VASH1: variants seen among roughly 807,000 people sequenced by gnomAD.
The protein encoded by VASH1 is vasohibin 1.
Under a neutral mutation model 35.0 loss-of-function variants are expected in VASH1, and 16 were observed. The ratio of observed to expected loss-of-function variants is 0.46; its 90% CI spans 0.31 to 0.70. The LOEUF (loss-of-function observed/expected upper bound fraction) is 0.70. Ranked by LOEUF, VASH1 falls within the 30% of genes least tolerant of loss-of-function variation. The probability of loss-of-function intolerance (pLI) is 0.05; values close to 1 mark genes in which losing one functional copy is unlikely to be tolerated. For synonymous variants in VASH1, 214 were observed against 200.9 expected (o/e 1.07, Z -0.55); for missense variants, 505 against 510.7 (o/e 0.99, Z 0.11).
intron 1 of VASH1, among the ~76,000 whole-genome samples, chr14:76,767,913 C>G (rs1369120936): frequency 6.6e-6 from 1 of 152,216 alleles, no homozygotes; most frequent in African/African-American, 2.4e-5. Flanking sequence ...CTAGTGCTTT[C>G]GTGGGTACTG....
At chr14:76,764,549 T>C (rs7151126) in intron 1 of VASH1, among the ~76,000 whole-genome samples, 67,575 of 152,068 alleles carry the variant, frequency 0.44, 16,024 homozygotes, top group Middle Eastern at 0.55. Flanking sequence ...CTATATGGCC[T>C]CTTCCACCTA....
chr14:76,774,100 G>A (rs184795037), intron 4 of VASH1, among the ~76,000 whole-genome samples: 91 of 152,298 alleles, frequency 6.0e-4, no homozygotes, highest in Non-Finnish European at 1.1e-3. Context: ...AGAGGGTGAC[G>A]GGGAGGGGGT....
chr14:76,781,406 A>ATCCC lies in VASH1; in HGVS notation c.*2388_*2389insTCCC, dbSNP rs896116713. On this transcript the variant is annotated 3_prime_UTR_variant, in exon 7 of 7. Transcript: ENST00000167106. Reference sequence around the variant, plus strand: ...CTAAGAAGAGATGGCTCACCTTGGGAGGTGCCAGGCTGAAACTAGGTCCTT... The same window carrying ATCCC: ...CTAAGAAGAGATGGCTCACCTTGGGATCCCGGTGCCAGGCTGAAACTAGGTCCTT... The ATCCC allele has an allele frequency of 1.3e-5, 2 of 152,150 alleles. No homozygotes were observed. The highest frequency in any genetic ancestry group is 4.8e-5 in the African/African-American group (2 of 41,420). 9.4% of individuals were successfully genotyped at this position (152,150 alleles called of 1,614,324 possible).
intron 6 of VASH1, among the ~76,000 whole-genome samples, 198 bp from the exon 7 acceptor site, chr14:76,778,748 C>T (rs556302349): frequency 2.0e-5 from 3 of 152,316 alleles, no homozygotes; most frequent in East Asian, 1.9e-4. Flanking sequence ...CCTGTGAGAG[C>T]GAGCCGGGGC....
chr14:76,773,542 C>A (rs766610287), intron 4 of VASH1: 13 of 405,484 alleles, frequency 3.2e-5, no homozygotes, highest in Non-Finnish European at 4.3e-6. Context: ...TTTCCAAGAA[C>A]TAGACAGTCT....
At chr14:76,765,527 G>A (rs1893620360) in intron 1 of VASH1, among the ~76,000 whole-genome samples, 1 of 152,164 alleles carries the variant, frequency 6.6e-6, no homozygotes, top group South Asian at 2.1e-4. Flanking sequence ...GCGTGGGTTG[G>A]GTGCCTGGGT....
chr14:76,777,877 AG>A, intron 5 of VASH1, 81 bp from the exon 6 acceptor site: 1 of 1,109,948 alleles, frequency 9.0e-7, no homozygotes, highest in Non-Finnish European at 1.2e-6. Flanking sequence ...GGCAGCCTCC[AG>A]GGACCTGTGG....
chr14:76,766,121 C>T (rs768770954), intron 1 of VASH1, among the ~76,000 whole-genome samples: 11 of 152,164 alleles, frequency 7.2e-5, no homozygotes, highest in Non-Finnish European at 1.5e-4. Flanking sequence ...CTAATAGATA[C>T]CCAGTAATGG....
chr14:76,774,069 G>A (rs1344090053), intron 4 of VASH1, among the ~76,000 whole-genome samples: 1 of 152,182 alleles, frequency 6.6e-6, no homozygotes, highest in African/African-American at 2.4e-5. Context: ...CTGCAGAGGA[G>A]CACAGATTAG....
At position 76,776,149 on chromosome 14, in the gene VASH1, T is replaced by C; in HGVS notation, c.788T>C (p.Val263Ala). ...AAGAAGGTGAAGCTGGGCCAGAGCG[T>C]GTCACACGACCCGCACAGCGTGGAG... ...VLKKVKLGQS[V>A]SHDPHSVEQI... is the part of the protein sequence containing the mutation. Residue 263 changes from valine to alanine, a missense_variant, in exon 5 of 7, where the codon GTG (valine) becomes GCG (alanine). Transcript: ENST00000167106. 1 of 1,610,580 alleles carries C rather than the reference T, an allele frequency of 6.2e-7. No individual in the cohort carries two copies. Among genetic ancestry groups the C allele is most frequent in the Non-Finnish European group, 8.5e-7 (1 of 1,179,780 alleles).
rs1893549446 is a variant in VASH1, at chr14:76,763,149, G to A, written c.309+19G>A. ...GCCCAAGGTGAGACACACGGGTCAG[G>A]GGGGTGATAGCACAGTCTAGGTTTT... On this transcript the variant is annotated intron_variant, in intron 1 of 6. Transcript: ENST00000167106. The A allele has an allele frequency of 6.9e-7, 1 of 1,438,950 alleles. No homozygotes were observed. The highest frequency in any genetic ancestry group is 1.4e-5 in the African/African-American group (1 of 69,854). 89.1% of individuals were successfully genotyped at this position (1,438,950 alleles called of 1,614,324 possible). A position where few individuals can be genotyped will look rare whatever the true frequency, so the allele number is the denominator to read the frequency against.
At position 76,780,225 on chromosome 14, in the gene VASH1, C is replaced by G. The variant is rs1566689396; in HGVS notation, c.*1207C>G. 6.5e-6 allele frequency: 1 copy of G among 153,046 alleles called. No homozygotes were observed. The highest frequency in any genetic ancestry group is 1.9e-4 in the East Asian group (1 of 5,198). The allele number at this position is 153,046 out of a possible 1,614,324, so 9.5% of individuals were successfully genotyped here. ...TGGAGGCTCAAGCAACAAGGAGGTG[C>G]AGGTAAAGGGTGCAGTGCAGCCACT... On this transcript the variant is annotated 3_prime_UTR_variant, in exon 7 of 7. Coordinates refer to ENST00000167106, the MANE Select transcript of VASH1 (RefSeq NM_014909.5).
chr14:76,764,301 A>G (rs956892335), intron 1 of VASH1, among the ~76,000 whole-genome samples: 3 of 152,254 alleles, frequency 2.0e-5, no homozygotes, highest in African/African-American at 7.2e-5. Context: ...CAGGGGAAAC[A>G]AAATGTAGAT....
chr14:76,766,731 T>C (rs1893652082), intron 1 of VASH1, among the ~76,000 whole-genome samples: 1 of 152,178 alleles, frequency 6.6e-6, no homozygotes, highest in Non-Finnish European at 1.5e-5. Context: ...CAGGAGCTAC[T>C]ACACCCAGCC....
chr14:76,762,903 G>T lies in VASH1; in HGVS notation c.82G>T (p.Val28Phe). Reference protein sequence around the residue: ...TSAAATAPSGVRRLETSEGTS... With the variant: ...TSAAATAPSGFRRLETSEGTS... ...CGCTGCGGCCACCGCCCCCTCTGGG[G>T]TCAGGCGTTTGGAGACCAGCGAAGG... The change falls in exon 1 of 7, where the codon GTC becomes TTC. Residue 28 changes from valine to phenylalanine, a missense_variant. Val to Phe is a conservative substitution (Grantham distance 50). Coordinates refer to ENST00000167106, the MANE Select transcript of VASH1 (RefSeq NM_014909.5). The T allele has an allele frequency of 6.3e-7, 1 of 1,575,570 alleles. No individual in the cohort carries two copies. Among genetic ancestry groups the T allele is most frequent in the African/African-American group, 1.3e-5 (1 of 74,368 alleles).
rs540231239 is a variant in VASH1, at chr14:76,782,375, C to T, written c.*3357C>T. 1 of 152,394 alleles carries T rather than the reference C, an allele frequency of 6.6e-6. No homozygotes were observed. Among genetic ancestry groups the T allele is most frequent in the South Asian group, 2.1e-4 (1 of 4,826 alleles). The allele number at this position is 152,394 out of a possible 1,614,324, so 9.4% of individuals were successfully genotyped here. On this transcript the variant is annotated 3_prime_UTR_variant, in exon 7 of 7. Transcript: ENST00000167106. ...TGACCACGTGTGATTTCCAGCCCTT[C>T]CCACTGGGACTTGACTTCCCAGGTC...
intron 4 of VASH1, chr14:76,773,436 G>A (rs1288126017): frequency 1.1e-5 from 6 of 549,620 alleles, no homozygotes; most frequent in Admixed American, 3.1e-5. Flanking sequence ...ACCTTCCCAG[G>A]CTTACTGGGC....
intron 4 of VASH1, 133 bp from the exon 5 acceptor site, chr14:76,775,759 T>C (rs1190578705): frequency 1.5e-6 from 2 of 1,336,188 alleles, no homozygotes; most frequent in Non-Finnish European, 2.0e-6. Flanking sequence ...GCCAGGCGTA[T>C]GGAGATGAGC....
At position 76,776,018 on chromosome 14, in the gene VASH1, C is replaced by T. The variant is rs1328140804; in HGVS notation, c.657C>T (p.Gly219=). The T allele has an allele frequency of 6.2e-7, 1 of 1,612,816 alleles. No individual in the cohort carries two copies. Among genetic ancestry groups the T allele is most frequent in the Non-Finnish European group, 8.5e-7 (1 of 1,179,838 alleles). The change falls in exon 5 of 7, where the codon GGC becomes GGT. Residue 219 remains glycine, a synonymous_variant. Coordinates refer to ENST00000167106, the MANE Select transcript of VASH1 (RefSeq NM_014909.5). ...VNFAGRYGAL[G]MSRREDLMYK... ...TCGCGGGCCGCTACGGTGCGCTGGGCATGAGTCGGCGCGAGGACCTGATGT... is the reference window on the plus strand; with the variant it reads ...TCGCGGGCCGCTACGGTGCGCTGGGTATGAGTCGGCGCGAGGACCTGATGT...
Sources: gnomAD v4.1 joint callset for allele counts (sites outside exome capture counted in the v4.1 genomes callset) on GRCh38, gnomAD v4.1.1 for gene constraint, MANE v1.5 for transcripts, NCBI Gene and HGNC (gene_info 2026-07-23, HGNC 2026-07-21) for gene names.